ERVV-2: variants seen among roughly 807,000 people sequenced by gnomAD.
The protein encoded by ERVV-2 is endogenous retrovirus group V member 2 Env polyprotein.
For synonymous variants in ERVV-2, 105 were observed against 184.6 expected, an observed-to-expected ratio of 0.57 and a Z score of 3.49; for missense variants, 291 against 495.1, an observed-to-expected ratio of 0.59 and a Z score of 3.91.
chr19:53,051,038 G>T lies in ERVV-2; in HGVS notation c.*179G>T. 1 of 576,048 alleles carries T rather than the reference G, an allele frequency of 1.7e-6. No homozygotes were observed. Among genetic ancestry groups the T allele is most frequent in the Non-Finnish European group, 2.9e-6 (1 of 340,974 alleles). The allele number at this position is 576,048 out of a possible 1,614,324, so 35.7% of individuals were successfully genotyped here. On this transcript the variant is annotated 3_prime_UTR_variant, in exon 2 of 2. Coordinates refer to ENST00000601417, the MANE Select transcript of ERVV-2 (RefSeq NM_001191055.2). ...AGCAGGCAAGAGAGCCCTTGGGAAA[G>T]GAATCTTTAGAAACGCAGCCCACTG... is the stretch of plus-strand genomic sequence containing the variant.
At chr19:53,046,973 C>G (rs1159380768) in intron 1 of ERVV-2, among the ~76,000 whole-genome samples, 1 of 152,168 alleles carries the variant, frequency 6.6e-6, no homozygotes, top group African/African-American at 2.4e-5. Context: ...TGAGACCAGC[C>G]TGGCCAATAT....
rs867740754 is a variant in ERVV-2 at position 53,049,176 on chromosome 19, G to A, written c.-76G>A. ...CTGATTTCTCACTAAACACTCCATC[G>A]AACCACTTCATTATTTGTCTCTCCT... On this transcript the variant is annotated 5_prime_UTR_variant, in exon 2 of 2. Coordinates refer to ENST00000601417, the MANE Select transcript of ERVV-2 (RefSeq NM_001191055.2). The A allele has an allele frequency of 3.2e-5, 37 of 1,162,610 alleles. 2 individuals are homozygous for A. In the African/African-American group the frequency reaches 4.2e-4, roughly 13 times the overall value. The allele number at this position is 1,162,610 out of a possible 1,614,324, so 72.0% of individuals were successfully genotyped here.
At position 53,050,520 on chromosome 19, in the gene ERVV-2, C is replaced by A; in HGVS notation, c.1269C>A (p.Ile423=). ...SGAIEEDIKK[I]YDEATWLHDF... ...CGATAGAGGAGGATATAAAAAAGAT[C>A]TATGATGAGGCTACGTGGCTCCATG... The change falls in exon 2 of 2, where the codon ATC becomes ATA. Residue 423 remains isoleucine, a synonymous_variant. Coordinates refer to ENST00000601417, the MANE Select transcript of ERVV-2 (RefSeq NM_001191055.2). The A allele has an allele frequency of 1.4e-6, 1 of 732,270 alleles. No homozygotes were observed. The highest frequency in any genetic ancestry group is 2.7e-5 in the East Asian group (1 of 37,420). The allele number at this position is 732,270 out of a possible 1,614,324, so 45.4% of individuals were successfully genotyped here.
At chr19:53,046,771 G>C (rs916279279) in intron 1 of ERVV-2, among the ~76,000 whole-genome samples, 5 of 152,212 alleles carry the variant, frequency 3.3e-5, no homozygotes, top group Admixed American at 6.5e-5. Context: ...GAAGACCTAG[G>C]CTGGGCGCAT....
In ERVV-2 at chr19:53,050,758, C is replaced by G. The variant is rs1385850876; in HGVS notation, c.1507C>G (p.Gln503Glu). ...GAAGTCCCCCCAAATGGAAAGATAT[C>G]AGCTATCTGTCATTGGAGGCCCCAG... ...HMKSPQMERY[Q>E]LSVIGGPSTY... The change falls in exon 2 of 2, where the codon CAG becomes GAG. Residue 503 changes from glutamine to glutamate, a missense_variant. Physicochemically the swap from Gln to Glu is conservative, Grantham distance 29. Transcript: ENST00000601417. The G allele has an allele frequency of 1.3e-6, 2 of 1,535,994 alleles. No individual in the cohort carries two copies. Among genetic ancestry groups the G allele is most frequent in the Non-Finnish European group, 1.7e-6 (2 of 1,146,900 alleles).
chr19:53,047,251 G>C (rs1463957371), intron 1 of ERVV-2, among the ~76,000 whole-genome samples: 1 of 152,138 alleles, frequency 6.6e-6, no homozygotes, highest in Non-Finnish European at 1.5e-5. Context: ...AGGAGGCTGA[G>C]GCAGAAGAAT....
chr19:53,046,735 A>C (rs1353308074), intron 1 of ERVV-2, among the ~76,000 whole-genome samples: 1 of 152,200 alleles, frequency 6.6e-6, no homozygotes, highest in Non-Finnish European at 1.5e-5. Context: ...AATCATTAGT[A>C]TTAGCCCAAT....
At position 53,050,947 on chromosome 19, in the gene ERVV-2, C is replaced by G. The variant is rs756953225; in HGVS notation, c.*88C>G. 1.3e-5 allele frequency: 16 copies of G among 1,235,924 alleles called. No individual in the cohort carries two copies. In the East Asian group the frequency reaches 3.8e-4, roughly 30 times the overall value. 76.6% of individuals were successfully genotyped at this position (1,235,924 alleles called of 1,614,324 possible). A position where few individuals can be genotyped will look rare whatever the true frequency, so the allele number is the denominator to read the frequency against. On this transcript the variant is annotated 3_prime_UTR_variant, in exon 2 of 2. Transcript: ENST00000601417. ...AGAAGACCCACGACGTCCTTACAAC[C>G]AGAGCTTTTCAGGGTCTCCATCTCT...
chr19:53,047,114 G>A (rs752350141), intron 1 of ERVV-2, among the ~76,000 whole-genome samples: 4 of 151,840 alleles, frequency 2.6e-5, no homozygotes, highest in Admixed American at 6.6e-5. Flanking sequence ...AGCTGAGATC[G>A]TGCCACTGCA....
Position 53,051,093 on chromosome 19 carries a change from C to A in ERVV-2, c.*234C>A. On this transcript the variant is annotated 3_prime_UTR_variant, in exon 2 of 2. Coordinates refer to ENST00000601417, the MANE Select transcript of ERVV-2 (RefSeq NM_001191055.2). ...CTTCCTTGGTGATGCTGCCCACAGA[C>A]AGTCAGCACTTCTCTAATAACCCAT... The A allele has an allele frequency of 2.3e-6, 1 of 428,780 alleles. No individual in the cohort carries two copies. Among genetic ancestry groups the A allele is most frequent in the African/African-American group, 2.1e-5 (1 of 48,066 alleles). The allele number at this position is 428,780 out of a possible 1,614,324, so 26.6% of individuals were successfully genotyped here.
rs538982500 is a variant in ERVV-2, at chr19:53,050,082, C to T, written c.831C>T (p.Thr277=). 7.5e-6 allele frequency: 11 copies of T among 1,470,662 alleles called. No individual in the cohort carries two copies. Among genetic ancestry groups the T allele is most frequent in the African/African-American group, 3.0e-5 (2 of 66,302 alleles). 91.1% of individuals were successfully genotyped at this position (1,470,662 alleles called of 1,614,324 possible). A position where few individuals can be genotyped will look rare whatever the true frequency, so the allele number is the denominator to read the frequency against. The change falls in exon 2 of 2, where the codon ACC becomes ACT. Residue 277 remains threonine (T), a synonymous_variant. Transcript: ENST00000601417. ...FDGSPKITYS[T]PPVANLYTCI... The stretch of plus-strand genomic sequence containing the variant: ...GAAGTCCTAAGATAACCTATTCAAC[C>T]CCCCCTGTGGCAAACCTCTACACTT...
intron 1 of ERVV-2, among the ~76,000 whole-genome samples, chr19:53,048,658 A>G (rs1298243450): frequency 1.4e-5 from 2 of 146,988 alleles, no homozygotes; most frequent in Non-Finnish European, 1.5e-5. Flanking sequence ...CTGGGCGACA[A>G]GAGCAAAATT....
rs2083907920 is a variant in ERVV-2 at position 53,050,467 on chromosome 19, T to G, written c.1216T>G (p.Cys406Gly). Reference protein sequence around the residue: ...GGVCAVINKSCCVYVNNSGAI... With the variant: ...GGVCAVINKSGCVYVNNSGAI... ...AGTCTGTGCAGTGATCAATAAATCCTGTTGCGTTTATGTCAATAACAGTGG... is the reference window on the plus strand; with the variant it reads ...AGTCTGTGCAGTGATCAATAAATCCGGTTGCGTTTATGTCAATAACAGTGG... Residue 406 changes from cysteine to glycine, a missense_variant, in exon 2 of 2, where the codon TGT (cysteine) becomes GGT (glycine). Cys to Gly is a radical substitution (Grantham distance 159). Coordinates refer to ENST00000601417, the MANE Select transcript of ERVV-2 (RefSeq NM_001191055.2). The G allele has an allele frequency of 1.4e-6, 1 of 723,244 alleles. No individual in the cohort carries two copies. The highest frequency in any genetic ancestry group is 1.7e-5 in the African/African-American group (1 of 57,644). 44.8% of individuals were successfully genotyped at this position (723,244 alleles called of 1,614,324 possible). A position where few individuals can be genotyped will look rare whatever the true frequency, so the allele number is the denominator to read the frequency against.
chr19:53,050,498 T>C lies in ERVV-2; in HGVS notation c.1247T>C (p.Ile416Thr). 1 of 721,584 alleles carries C rather than the reference T, an allele frequency of 1.4e-6. No individual in the cohort carries two copies. 44.7% of individuals were successfully genotyped at this position (721,584 alleles called of 1,614,324 possible). ...CCVYVNNSGAIEEDIKKIYDE... is the reference protein window; with the variant it reads ...CCVYVNNSGATEEDIKKIYDE... ...GTTTATGTCAATAACAGTGGGGCGATAGAGGAGGATATAAAAAAGATCTAT... is the reference window on the plus strand; with the variant it reads ...GTTTATGTCAATAACAGTGGGGCGACAGAGGAGGATATAAAAAAGATCTAT... The change falls in exon 2 of 2, where the codon ATA becomes ACA. Residue 416 changes from isoleucine (I) to threonine (T), a missense_variant. Transcript: ENST00000601417.
intron 1 of ERVV-2, among the ~76,000 whole-genome samples, chr19:53,046,077 C>T (rs372758577): frequency 3.9e-5 from 6 of 152,134 alleles, no homozygotes; most frequent in African/African-American, 1.2e-4. Context: ...GCCTGGCCAA[C>T]ATGGTGAAAC....
intron 1 of ERVV-2, among the ~76,000 whole-genome samples, chr19:53,047,483 C>T (rs749112689): frequency 5.9e-5 from 9 of 152,322 alleles, no homozygotes; most frequent in South Asian, 2.1e-4. Flanking sequence ...TTCTTCCACC[C>T]GTCCTTACCC....
chr19:53,048,341 C>T (rs1664798979), intron 1 of ERVV-2, among the ~76,000 whole-genome samples: 1 of 151,968 alleles, frequency 6.6e-6, no homozygotes, highest in African/African-American at 2.4e-5. Context: ...CACCATTGCA[C>T]TCCAGCCTGG....
rs759293997 is a variant in ERVV-2 at position 53,050,578 on chromosome 19, A to G, written c.1327A>G (p.Ile443Val). The part of the protein sequence containing the change: ...FGKGGASARA[I>V]WEAVKSALPS... The stretch of plus-strand genomic sequence containing the variant: ...AAAAGGAGGTGCTTCAGCAAGGGCC[A>G]TCTGGGAGGCTGTGAAGTCTGCCCT... Residue 443 changes from isoleucine to valine, a missense_variant, in exon 2 of 2, where the codon ATC (isoleucine) becomes GTC (valine). Physicochemically the swap from Ile to Val is conservative, Grantham distance 29. Transcript: ENST00000601417. 2.5e-5 allele frequency: 22 copies of G among 890,716 alleles called. No homozygotes were observed. The highest frequency in any genetic ancestry group is 3.6e-5 in the Non-Finnish European group (20 of 557,000). The allele number at this position is 890,716 out of a possible 1,614,324, so 55.2% of individuals were successfully genotyped here. A position where few individuals can be genotyped will look rare whatever the true frequency, so the allele number is the denominator to read the frequency against.
At position 53,049,073 on chromosome 19, in the gene ERVV-2, G is replaced by A; in HGVS notation, c.-179G>A. ...AAACTAAAGTCAATCTCAGTACGGGGAATCTTGGTTGCGGTGGCATTGGTT... is the reference window on the plus strand; with the variant it reads ...AAACTAAAGTCAATCTCAGTACGGGAAATCTTGGTTGCGGTGGCATTGGTT... On this transcript the variant is annotated 5_prime_UTR_variant, in exon 2 of 2. Transcript: ENST00000601417. 4 of 727,718 alleles carry A rather than the reference G, an allele frequency of 5.5e-6. No homozygotes were observed. The highest frequency in any genetic ancestry group is 5.4e-5 in the East Asian group (2 of 36,978). 45.1% of individuals were successfully genotyped at this position (727,718 alleles called of 1,614,324 possible).
Sources: gnomAD v4.1 joint callset for allele counts (sites outside exome capture counted in the v4.1 genomes callset) on GRCh38, gnomAD v4.1.1 for gene constraint, MANE v1.5 for transcripts, NCBI Gene and HGNC (gene_info 2026-07-23, HGNC 2026-07-21) for gene names.